TMEM209: variants seen among roughly 807,000 people sequenced by gnomAD.
TMEM209 encodes the protein testicular tissue protein Li 202.
TMEM209 carries 65 observed loss-of-function variants against 76.2 expected under a neutral mutation model. The observed-to-expected ratio is 0.85, with a 90% CI of 0.70 to 1.05. TMEM209 has a LOEUF of 1.05. Ranked by LOEUF, TMEM209 falls within the 50% of genes least tolerant of loss-of-function variation. The pLI is 0.00. For synonymous variants in TMEM209, 239 were observed against 237.6 expected, an observed-to-expected ratio of 1.01 and a Z score of -0.06; for missense variants, 623 against 685.5, an observed-to-expected ratio of 0.91 and a Z score of 1.02.
chr7:130,172,336 T>C (rs994761945), intron 13 of TMEM209, among the ~76,000 whole-genome samples: 3 of 151,884 alleles, frequency 2.0e-5, no homozygotes, highest in Admixed American at 6.6e-5. Flanking sequence ...GCAGTATTTA[T>C]TTATTTTATT....
At chr7:130,198,934 G>C (rs1022946187) in intron 5 of TMEM209, among the ~76,000 whole-genome samples, 1 of 152,004 alleles carries the variant, frequency 6.6e-6, no homozygotes, top group African/African-American at 2.4e-5. Flanking sequence ...CCAATCTTTT[G>C]TGTCCTTATT....
At chr7:130,184,726 G>A (rs1312649200) in intron 7 of TMEM209, among the ~76,000 whole-genome samples, 2 of 151,844 alleles carry the variant, frequency 1.3e-5, no homozygotes, top group East Asian at 1.9e-4. Context: ...TCCTGACCTC[G>A]TGATCCACCC....
chr7:130,190,940 G>A (rs999645917), intron 6 of TMEM209, among the ~76,000 whole-genome samples: 3 of 150,020 alleles, frequency 2.0e-5, no homozygotes, highest in Non-Finnish European at 3.0e-5. Flanking sequence ...AGGCTGCAGC[G>A]AGCCAAGACT....
At chr7:130,205,126 G>A (rs553824700) in intron 1 of TMEM209, 4 of 1,445,154 alleles carry the variant, frequency 2.8e-6, no homozygotes, top group African/African-American at 1.4e-5. Context: ...ATCCCACAGA[G>A]GACAGAGCAA....
At chr7:130,188,431 C>G (rs938107265) in intron 6 of TMEM209, among the ~76,000 whole-genome samples, 9 of 151,770 alleles carry the variant, frequency 5.9e-5, no homozygotes, top group African/African-American at 1.9e-4. Flanking sequence ...CCCGTCTCTA[C>G]TAAAAATACA....
At position 130,204,071 on chromosome 7, in the gene TMEM209, T is replaced by C; in HGVS notation, c.43A>G (p.Arg15Gly). 7 of 1,612,914 alleles carry C rather than the reference T, an allele frequency of 4.3e-6. No individual in the cohort carries two copies. The highest frequency in any genetic ancestry group is 5.1e-6 in the Non-Finnish European group (6 of 1,179,412). Residue 15 changes from arginine to glycine, a missense_variant, in exon 2 of 15, where the codon AGA (arginine) becomes GGA (glycine). Physicochemically the swap from Arg to Gly is moderately radical, Grantham distance 125 (BLOSUM62 -2). Coordinates refer to ENST00000397622, the MANE Select transcript of TMEM209 (RefSeq NM_032842.4). ...GTTTCTTTTCTCATCTTGATGGTTC[T>C]GTCAATAAGGGAAGCACTAGGGTGT... is the stretch of plus-strand genomic sequence containing the variant. The part of the protein sequence containing the change: ...EAHPSASLID[R>G]TIKMRKETEA...
At chr7:130,195,989 A>G (rs1164011831) in intron 5 of TMEM209, among the ~76,000 whole-genome samples, 1 of 152,172 alleles carries the variant, frequency 6.6e-6, no homozygotes, top group Non-Finnish European at 1.5e-5. Context: ...GCTGAAGATC[A>G]CACCAGGATT....
chr7:130,194,459 A>G (rs1473483511), intron 5 of TMEM209, among the ~76,000 whole-genome samples: 2 of 152,176 alleles, frequency 1.3e-5, no homozygotes, highest in Non-Finnish European at 2.9e-5. Flanking sequence ...AAAAACAAGT[A>G]ACACATGCAT....
chr7:130,189,639 GT>G (rs1157229719), intron 6 of TMEM209, among the ~76,000 whole-genome samples: 1 of 152,194 alleles, frequency 6.6e-6, no homozygotes, highest in Non-Finnish European at 1.5e-5. Flanking sequence ...TGAGGGCCTG[GT>G]TTTTCACTAC....
At chr7:130,180,432 G>A (rs1227665613) in intron 9 of TMEM209, among the ~76,000 whole-genome samples, 1 of 151,890 alleles carries the variant, frequency 6.6e-6, no homozygotes, top group Non-Finnish European at 1.5e-5. Context: ...CCCCCCAGAC[G>A]ATCTCGGCTC....
In TMEM209 at chr7:130,202,048, G is replaced by A. The variant is rs1254096025; in HGVS notation, c.375C>T (p.Ile125=). The stretch of plus-strand genomic sequence containing the variant: ...TTGAAGGGGAAGGTGGAGCGGGAGG[G>A]ATTTGGGTTGCTGCCAGATCATGTG... ...TPPHDLAATQ[I]PPAPPSPSIQ... is the part of the protein sequence containing the mutation. Residue 125 remains isoleucine (I), a synonymous_variant, in exon 5 of 15, where the codon ATC becomes ATT. Coordinates refer to ENST00000397622, the MANE Select transcript of TMEM209 (RefSeq NM_032842.4). 1.9e-6 allele frequency: 3 copies of A among 1,613,748 alleles called. No individual in the cohort carries two copies. The highest frequency in any genetic ancestry group is 2.5e-6 in the Non-Finnish European group (3 of 1,179,814).
intron 13 of TMEM209, among the ~76,000 whole-genome samples, chr7:130,171,828 G>C (rs1166610944): frequency 6.6e-6 from 1 of 152,100 alleles, no homozygotes; most frequent in Non-Finnish European, 1.5e-5. Context: ...AGGAGATCAA[G>C]ACCATCCTGG....
At chr7:130,183,149 T>C (rs927856101) in intron 8 of TMEM209, among the ~76,000 whole-genome samples, 10 of 152,208 alleles carry the variant, frequency 6.6e-5, no homozygotes, top group African/African-American at 2.4e-4. Context: ...ATGTTAGCAT[T>C]TTTAGACTAG....
intron 1 of TMEM209, among the ~76,000 whole-genome samples, chr7:130,204,451 C>T (rs1798350643): frequency 6.6e-6 from 1 of 152,190 alleles, no homozygotes; most frequent in Non-Finnish European, 1.5e-5. Flanking sequence ...AAGCGATTCT[C>T]CTGCCTCAGA....
intron 14 of TMEM209, among the ~76,000 whole-genome samples, chr7:130,168,356 T>A (rs2116965690): frequency 6.6e-6 from 1 of 152,280 alleles, no homozygotes; most frequent in African/African-American, 2.4e-5. Context: ...TTTGGGGGAT[T>A]TTTAGATTAG....
rs369478338 is a variant in TMEM209, at chr7:130,178,484, C to T, written c.1164G>A (p.Ala388=). 3.0e-5 allele frequency: 48 copies of T among 1,613,672 alleles called. 1 individual carries two copies. The East Asian group carries it at 4.7e-4, about 16-fold the overall frequency. The change falls in exon 10 of 15, where the codon GCG becomes GCA. Residue 388 remains alanine, a synonymous_variant. Transcript: ENST00000397622. ...TTGTGTTCAAAGTCGGAATGAGAGG[C>T]GCTTTAACCAGGGCAGCTTGTTTCA... ...TSLKQAALVK[A]PLIPTLNTIV... is the part of the protein sequence containing the mutation.
chr7:130,205,260 A>G, intron 1 of TMEM209, 113 bp downstream of exon 1: 1 of 1,608,802 alleles, frequency 6.2e-7, no homozygotes, highest in Admixed American at 1.7e-5. Flanking sequence ...GAGAGGCGGA[A>G]CGCCTAGCCA....
chr7:130,175,259 C>CA (rs1227791206), intron 11 of TMEM209: 2 of 351,658 alleles, frequency 5.7e-6, no homozygotes, highest in African/African-American at 4.2e-5. Flanking sequence ...CCCAGGACTT[C>CA]AAGACCAGCC....
In TMEM209 at chr7:130,192,544, T is replaced by C. The variant is rs528177754; in HGVS notation, c.775+78A>G. Reference sequence around the variant, plus strand: ...AGCTAATAAAGTATGTTAGTATGGATATTAAAATAATGAAAATAGTAGGTT... The same window carrying C: ...AGCTAATAAAGTATGTTAGTATGGACATTAAAATAATGAAAATAGTAGGTT... On this transcript the variant is annotated intron_variant, in intron 6 of 14. Coordinates refer to ENST00000397622, the MANE Select transcript of TMEM209 (RefSeq NM_032842.4). The C allele has an allele frequency of 1.1e-5, 13 of 1,209,426 alleles. No individual in the cohort carries two copies. The East Asian group carries it at 2.7e-4, about 25-fold the overall frequency. 74.9% of individuals were successfully genotyped at this position (1,209,426 alleles called of 1,614,324 possible). A position where few individuals can be genotyped will look rare whatever the true frequency, so the allele number is the denominator to read the frequency against.
Sources: gnomAD v4.1 joint callset for allele counts (sites outside exome capture counted in the v4.1 genomes callset) on GRCh38, gnomAD v4.1.1 for gene constraint, MANE v1.5 for transcripts, NCBI Gene and HGNC (gene_info 2026-07-23, HGNC 2026-07-21) for gene names.